Variants in CNTNAP2 observed in about 807,000 individuals in gnomAD.
CNTNAP2 encodes the protein contactin associated protein 2.
In CNTNAP2, 98 loss-of-function variants were observed where a neutral mutation model predicts 155.2. The ratio of observed to expected loss-of-function variants is 0.63; its 90% CI spans 0.54 to 0.75. The LOEUF (loss-of-function observed/expected upper bound fraction) is 0.75. Among genes scored for constraint, CNTNAP2 ranks in the 30% least tolerant of loss-of-function variants. The pLI is 0.00. For missense variants in CNTNAP2, 1,727 were observed against 1,688.1 expected (o/e 1.02, Z -0.40); for synonymous variants, 651 against 631.2 (o/e 1.03, Z -0.47).
chr7:148,232,679 A>T (rs1795984552), intron 20 of CNTNAP2, among the ~76,000 whole-genome samples: 1 of 152,234 alleles, frequency 6.6e-6, no homozygotes, highest in Non-Finnish European at 1.5e-5. Flanking sequence ...TAATGCAAAG[A>T]TGAATGGTAG....
intron 13 of CNTNAP2, among the ~76,000 whole-genome samples, chr7:147,773,257 T>C (rs193000180): frequency 1.9e-3 from 287 of 152,340 alleles, no homozygotes; most frequent in Middle Eastern, 6.8e-3. Flanking sequence ...CAGAGGTCTC[T>C]TTATGACAAG....
At chr7:147,150,618 C>G (rs1176760013) in intron 8 of CNTNAP2, among the ~76,000 whole-genome samples, 6 of 152,112 alleles carry the variant, frequency 3.9e-5, no homozygotes, top group Admixed American at 3.9e-4. Flanking sequence ...ACTAATTTCA[C>G]TAGATAGAGA....
At chr7:146,873,972 T>C (rs533930433) in intron 3 of CNTNAP2, among the ~76,000 whole-genome samples, 1 of 152,226 alleles carries the variant, frequency 6.6e-6, no homozygotes, top group East Asian at 1.9e-4. Context: ...TCATGATTTG[T>C]AGGGGGCACC....
intron 20 of CNTNAP2, among the ~76,000 whole-genome samples, chr7:148,265,518 A>C (rs1426641325): frequency 6.6e-6 from 1 of 152,194 alleles, no homozygotes; most frequent in Non-Finnish European, 1.5e-5. Context: ...CGAGAGATCC[A>C]CAAGCTTCAG....
chr7:147,231,335 T>A (rs1803677074), intron 8 of CNTNAP2, among the ~76,000 whole-genome samples: 1 of 152,258 alleles, frequency 6.6e-6, no homozygotes, highest in Non-Finnish European at 1.5e-5. Flanking sequence ...CATCTGTGAC[T>A]GACACTTAGG....
At chr7:147,770,076 C>T (rs1797445593) in intron 13 of CNTNAP2, among the ~76,000 whole-genome samples, 2 of 152,018 alleles carry the variant, frequency 1.3e-5, no homozygotes, top group Non-Finnish European at 2.9e-5. Context: ...ATACACCTGT[C>T]CTTTTGAGCA....
rs1797836951 is a variant in CNTNAP2, at chr7:147,792,555, AATAAT to A, written c.2099-111006_2099-111002del. ...TAGTACTTCATTCCTTTTATTGCTG[AATAAT>A]ATATCTCATTGTATGACTATGCCAC... On this transcript the variant is annotated intron_variant, in intron 13 of 23. Transcript: ENST00000361727. Among the ~76,000 whole-genome samples the A allele has an allele frequency of 1.3e-5, 2 of 151,892 alleles. 1 individual carries two copies. Among genetic ancestry groups the A allele is most frequent in the Admixed American group, 1.3e-4 (2 of 15,256 alleles).
At position 148,334,800 on chromosome 7, in the gene CNTNAP2, A is replaced by G. The variant is rs577284966; in HGVS notation, c.3476-48849A>G. Among the ~76,000 whole-genome samples the G allele has an allele frequency of 2.6e-5, 4 of 152,312 alleles. No individual in the cohort carries two copies. The East Asian group carries it at 7.7e-4, about 29-fold the overall frequency. On this transcript the variant is annotated intron_variant, in intron 21 of 23. Transcript: ENST00000361727. ...CCCATGCAAAGGCCTGCCTGGGGGA[A>G]CTCCAGCAATCATTGGGGGAGACTT... is the stretch of plus-strand genomic sequence containing the variant.
intron 4 of CNTNAP2, among the ~76,000 whole-genome samples, chr7:147,091,154 G>T (rs781712339): frequency 2.6e-5 from 4 of 151,926 alleles, no homozygotes; most frequent in Non-Finnish European, 4.4e-5. Context: ...TAGATTCCTC[G>T]TCCCCTTCCT....
intron 3 of CNTNAP2, among the ~76,000 whole-genome samples, chr7:147,005,589 G>C (rs770848681): frequency 1.3e-5 from 2 of 151,996 alleles, no homozygotes; most frequent in Non-Finnish European, 2.9e-5. Context: ...CTGAAACAAA[G>C]AAAGAAGGAT....
At chr7:147,045,882 A>G (rs1433512058) in intron 4 of CNTNAP2, among the ~76,000 whole-genome samples, 2 of 152,064 alleles carry the variant, frequency 1.3e-5, no homozygotes, top group African/African-American at 4.8e-5. Context: ...ACGTGCATAT[A>G]TATATATATA....
chr7:147,069,726 C>G (rs753702938), intron 4 of CNTNAP2, among the ~76,000 whole-genome samples: 2 of 152,172 alleles, frequency 1.3e-5, no homozygotes, highest in Non-Finnish European at 2.9e-5. Flanking sequence ...AAGTTGCTTA[C>G]TTACTATCAT....
At chr7:146,841,858 G>A (rs1159316687) in intron 3 of CNTNAP2, among the ~76,000 whole-genome samples, 1 of 151,434 alleles carries the variant, frequency 6.6e-6, no homozygotes, top group East Asian at 1.9e-4. Context: ...AGGCTAAGGA[G>A]GATAAAATTG....
chr7:146,596,111 G>A (rs1486788489), intron 1 of CNTNAP2, among the ~76,000 whole-genome samples: 6 of 151,904 alleles, frequency 3.9e-5, no homozygotes, highest in Non-Finnish European at 7.4e-5. Flanking sequence ...AGCATGCTCC[G>A]GAGCAGACAT....
intron 16 of CNTNAP2, among the ~76,000 whole-genome samples, chr7:148,126,423 C>T (rs1253974584): frequency 6.6e-6 from 1 of 152,126 alleles, no homozygotes; most frequent in South Asian, 2.1e-4. Flanking sequence ...ATCACCACGA[C>T]TGAGGTGCTG....
intron 14 of CNTNAP2, among the ~76,000 whole-genome samples, chr7:147,936,611 C>T (rs561521020): frequency 2.0e-5 from 3 of 152,264 alleles, no homozygotes; most frequent in East Asian, 1.9e-4. Context: ...CCTCCCCTCC[C>T]TCATTTTGAG....
At chr7:146,611,081 A>G (rs1799128468) in intron 1 of CNTNAP2, among the ~76,000 whole-genome samples, 1 of 152,220 alleles carries the variant, frequency 6.6e-6, no homozygotes. Flanking sequence ...TGTATTTATA[A>G]GCAAAGCCGT....
intron 8 of CNTNAP2, among the ~76,000 whole-genome samples, chr7:147,154,445 T>C (rs2116439033): frequency 6.6e-6 from 1 of 152,308 alleles, no homozygotes; most frequent in East Asian, 1.9e-4. Context: ...TTAAAGGAAG[T>C]ATGGATTTTT....
chr7:146,343,597 A>G (rs1288947263), intron 1 of CNTNAP2, among the ~76,000 whole-genome samples: 1 of 152,180 alleles, frequency 6.6e-6, no homozygotes, highest in Non-Finnish European at 1.5e-5. Context: ...AATACTTGAA[A>G]CATTTAAAAT....
Sources: gnomAD v4.1 joint callset for allele counts (sites outside exome capture counted in the v4.1 genomes callset) on GRCh38, gnomAD v4.1.1 for gene constraint, MANE v1.5 for transcripts, NCBI Gene and HGNC (gene_info 2026-07-23, HGNC 2026-07-21) for gene names.